PARD3B: variants seen among roughly 807,000 people sequenced by gnomAD.
PARD3B encodes the protein par-3 family cell polarity regulator beta.
In PARD3B, 103 loss-of-function variants were observed where a neutral mutation model predicts 130.2. The ratio of observed to expected loss-of-function variants is 0.79; its 90% CI spans 0.67 to 0.93. The LOEUF is 0.93. Ranked by LOEUF, PARD3B falls within the 40% of genes least tolerant of loss-of-function variation. PARD3B has a pLI of 0.00. For missense variants in PARD3B, 1,609 were observed against 1,499.2 expected (o/e 1.07, Z -1.21); for synonymous variants, 583 against 553.2 (o/e 1.05, Z -0.76).
intron 20 of PARD3B, among the ~76,000 whole-genome samples, chr2:205,477,377 T>C (rs1314730914): frequency 2.0e-5 from 3 of 152,200 alleles, no homozygotes; most frequent in East Asian, 3.8e-4. Context: ...TTTGCCACTC[T>C]AGTTGCTGTC....
intron 2 of PARD3B, among the ~76,000 whole-genome samples, chr2:204,731,194 G>C (rs187145211): frequency 6.6e-6 from 1 of 152,186 alleles, no homozygotes; most frequent in African/African-American, 2.4e-5. Context: ...TTAATGCTTT[G>C]GTTCTTACCC....
intron 2 of PARD3B, among the ~76,000 whole-genome samples, chr2:204,862,024 T>C (rs1232786901): frequency 1.3e-5 from 2 of 151,914 alleles, no homozygotes. Flanking sequence ...TTAGAAACTT[T>C]CACTCCATGT....
chr2:205,046,427 T>C (rs1698784645), intron 3 of PARD3B, among the ~76,000 whole-genome samples: 1 of 151,992 alleles, frequency 6.6e-6, no homozygotes. Flanking sequence ...TATAATTCCT[T>C]TTGGCATAGG....
In PARD3B at chr2:205,021,281, G is replaced by A. The variant is rs140581684; in HGVS notation, c.395-26300G>A. On this transcript the variant is annotated intron_variant, in intron 3 of 22. Transcript: ENST00000406610. This position sits in a 1 kb window ranked among gnomAD's most constrained non-coding sequence, Gnocchi z 4.5. ...AATTTTAAAACTCCCTTGAGGATTA[G>A]GAAACAGATTATAAGTAGCTAGAAT... Among the ~76,000 whole-genome samples the A allele has an allele frequency of 4.0e-3, 607 of 152,224 alleles. 1 individual carries two copies. Among genetic ancestry groups the A allele is most frequent in the South Asian group, 1.0e-2 (48 of 4,822 alleles).
Position 205,160,870 on chromosome 2 carries a change from G to T in PARD3B, c.1620+1963G>T, listed in dbSNP as rs1306486781. Reference sequence around the variant, plus strand: ...GAATTACTTTAAGATTTGAATCCAGGCAGTCTGACTCCAGAACCTGCGTTA... The same window carrying T: ...GAATTACTTTAAGATTTGAATCCAGTCAGTCTGACTCCAGAACCTGCGTTA... On this transcript the variant is annotated intron_variant, in intron 11 of 22. Coordinates refer to ENST00000406610, the MANE Select transcript of PARD3B (RefSeq NM_001302769.2). The surrounding 1 kb of genome is among the most constrained non-coding windows in gnomAD (Gnocchi z 4.0). Among the ~76,000 whole-genome samples the T allele has an allele frequency of 6.6e-6, 1 of 152,072 alleles. No individual in the cohort carries two copies. Among genetic ancestry groups the T allele is most frequent in the Non-Finnish European group, 1.5e-5 (1 of 68,026 alleles).
Position 205,217,917 on chromosome 2 carries a change from A to T in PARD3B, c.2140+24597A>T, listed in dbSNP as rs1442996910. 1.8e-3 allele frequency among the ~76,000 whole-genome samples: 156 copies of T among 87,294 alleles called. 2 individuals are homozygous for T. Among genetic ancestry groups the T allele is most frequent in the African/African-American group, 7.2e-3 (152 of 21,148 alleles). The allele number at this position is 87,294 out of a possible 152,430, so 57.3% of individuals were successfully genotyped here. A position where few individuals can be genotyped will look rare whatever the true frequency, so the allele number is the denominator to read the frequency against. On this transcript the variant is annotated intron_variant, in intron 15 of 22. Coordinates refer to ENST00000406610, the MANE Select transcript of PARD3B (RefSeq NM_001302769.2). ...ATATTTTTTTTTTTATTTTTTTGAG[A>T]TGGTCTCTCGCTCTGTCACCCAGGC...
At chr2:204,901,158 C>T (rs1017607022) in intron 2 of PARD3B, among the ~76,000 whole-genome samples, 12 of 152,212 alleles carry the variant, frequency 7.9e-5, no homozygotes, top group Admixed American at 7.9e-4. Context: ...AGGTGGCAGC[C>T]AGCCAGGCTT....
chr2:205,404,755 T>A (rs1404559162), intron 19 of PARD3B, among the ~76,000 whole-genome samples: 1 of 152,164 alleles, frequency 6.6e-6, no homozygotes, highest in East Asian at 1.9e-4. Flanking sequence ...GCTCAAGTGA[T>A]CCTCCTGCCT....
chr2:205,476,233 G>C (rs1294181963), intron 20 of PARD3B, among the ~76,000 whole-genome samples: 2 of 152,172 alleles, frequency 1.3e-5, no homozygotes, highest in Admixed American at 1.3e-4. Flanking sequence ...AATGCATGTA[G>C]GGTGAGCCAC....
At chr2:204,965,007 A>G (rs1226835221) in intron 2 of PARD3B, 145 bp from the exon 3 acceptor site, 1 of 614,062 alleles carries the variant, frequency 1.6e-6, no homozygotes, top group Non-Finnish European at 2.7e-6. Context: ...TTGAAAAATT[A>G]AGAGTTGTGG....
At chr2:204,707,932 C>T (rs1187290940) in intron 2 of PARD3B, among the ~76,000 whole-genome samples, 2 of 152,000 alleles carry the variant, frequency 1.3e-5, no homozygotes, top group Admixed American at 6.6e-5. Context: ...ACGGGGAGAC[C>T]CTGGCATGGG....
intron 3 of PARD3B, among the ~76,000 whole-genome samples, chr2:204,981,853 G>A (rs956211820): frequency 2.0e-5 from 3 of 152,122 alleles, no homozygotes; most frequent in African/African-American, 7.2e-5. Context: ...AGGGAGTTGG[G>A]GAGTGAGTAG....
rs187903440 is a variant in PARD3B at position 204,811,943 on chromosome 2, T to A, written c.222+125661T>A. Among the ~76,000 whole-genome samples, 225 of 152,336 alleles carry A rather than the reference T, an allele frequency of 1.5e-3. 1 individual carries two copies. The highest frequency in any genetic ancestry group is 4.9e-3 in the African/African-American group (205 of 41,574). On this transcript the variant is annotated intron_variant, in intron 2 of 22. Coordinates refer to ENST00000406610, the MANE Select transcript of PARD3B (RefSeq NM_001302769.2). ...GTTTGTTTTATTTAAGTACTTTTTT[T>A]AACATATGTATATACCCATAAAAGT...
rs984002919 is a variant in PARD3B, at chr2:205,440,875, A to G, written c.3044+203A>G. Among the ~76,000 whole-genome samples the G allele has an allele frequency of 6.6e-6, 1 of 152,226 alleles. No individual in the cohort carries two copies. Among genetic ancestry groups the G allele is most frequent in the Non-Finnish European group, 1.5e-5 (1 of 68,040 alleles). ...AATAGCCAATTGTAAGGTGGCATGA[A>G]TGAATAGTAGTAGCAGAGTTCATGA... On this transcript the variant is annotated intron_variant, in intron 20 of 22. Transcript: ENST00000406610. The surrounding 1 kb of genome is among the most constrained non-coding windows in gnomAD (Gnocchi z 4.2).
At chr2:205,439,384 A>C (rs1385357752) in intron 19 of PARD3B, among the ~76,000 whole-genome samples, 1 of 152,164 alleles carries the variant, frequency 6.6e-6, no homozygotes, top group East Asian at 1.9e-4. Context: ...TTGTCCAGTG[A>C]CAAGGTTTAC....
chr2:204,569,449 G>C (rs969234802), intron 1 of PARD3B, among the ~76,000 whole-genome samples: 2 of 152,180 alleles, frequency 1.3e-5, no homozygotes, highest in Admixed American at 1.3e-4. Context: ...GTGTAACATA[G>C]AGTAGTAATC....
intron 15 of PARD3B, among the ~76,000 whole-genome samples, chr2:205,224,073 AAAAG>A (rs2038389070): frequency 1.3e-5 from 2 of 150,376 alleles, no homozygotes; most frequent in African/African-American, 4.9e-5. Context: ...CAAAAAAAAA[AAAAG>A]AAAATAAATG....
At chr2:204,910,798 C>T (rs1256820753) in intron 2 of PARD3B, among the ~76,000 whole-genome samples, 1 of 152,072 alleles carries the variant, frequency 6.6e-6, no homozygotes, top group African/African-American at 2.4e-5. Flanking sequence ...TGCACCACTA[C>T]GCCTGGCTAA....
At position 205,227,900 on chromosome 2, in the gene PARD3B, A is replaced by G. The variant is rs529365016; in HGVS notation, c.2141-17878A>G. Among the ~76,000 whole-genome samples the G allele has an allele frequency of 3.2e-3, 494 of 152,246 alleles. 2 individuals carry two copies. The highest frequency in any genetic ancestry group is 0.011 in the African/African-American group (466 of 41,552). ...CCATGAGGCTTCCAAATACTATCTTATAACCCACTATTTTAAACTGATGAC... is the reference window on the plus strand; with the variant it reads ...CCATGAGGCTTCCAAATACTATCTTGTAACCCACTATTTTAAACTGATGAC... On this transcript the variant is annotated intron_variant, in intron 15 of 22. Coordinates refer to ENST00000406610, the MANE Select transcript of PARD3B (RefSeq NM_001302769.2).
Sources: gnomAD v4.1 joint callset for allele counts (sites outside exome capture counted in the v4.1 genomes callset) on GRCh38, gnomAD v4.1.1 for gene constraint, Gnocchi (gnomAD v3.1) non-coding constraint, MANE v1.5 for transcripts, NCBI Gene and HGNC (gene_info 2026-07-23, HGNC 2026-07-21) for gene names.